EMC1: variants seen among roughly 807,000 people sequenced by gnomAD.
EMC1 encodes KIAA0090.
EMC1 carries 103 observed loss-of-function variants against 128.8 expected under a neutral mutation model. The ratio of observed to expected loss-of-function variants is 0.80; its 90% CI spans 0.68 to 0.94. The LOEUF (loss-of-function observed/expected upper bound fraction) is 0.94, where lower values mean the gene tolerates loss of function less well. Ranked by LOEUF, EMC1 falls within the 40% of genes least tolerant of loss-of-function variation. EMC1 has a pLI of 0.00. For missense variants in EMC1, 1,083 were observed against 1,250.6 expected, an observed-to-expected ratio of 0.87 and a Z score of 2.02; for synonymous variants, 442 against 490.4, an observed-to-expected ratio of 0.90 and a Z score of 1.30.
chr1:19,226,973 G>A (rs762652129), intron 18 of EMC1, among the ~76,000 whole-genome samples: 16 of 151,918 alleles, frequency 1.1e-4, no homozygotes, highest in Admixed American at 4.6e-4. Context: ...GCTGCAGTGA[G>A]CCATGACTGC....
intron 22 of EMC1, 33 bp downstream of exon 22, chr1:19,219,536 G>A: frequency 6.2e-7 from 1 of 1,613,942 alleles, no homozygotes; most frequent in Non-Finnish European, 8.5e-7. Flanking sequence ...GATCCACCAA[G>A]GGTGAAATAG....
rs553395945 is a variant in EMC1 at position 19,241,009 on chromosome 1, C to T, written c.636+7G>A. ...CTTATTCACAGGCTCCTGTCACCCT[C>T]CTGTACCTGCTGAACAATCTCTCCA... On this transcript the variant is annotated splice_region_variant and intron_variant, in intron 6 of 22. Transcript: ENST00000477853. 6.2e-7 allele frequency: 1 copy of T among 1,614,066 alleles called. No individual in the cohort carries two copies. Among genetic ancestry groups the T allele is most frequent in the South Asian group, 1.1e-5 (1 of 91,070 alleles).
chr1:19,240,412 G>T lies in EMC1; in HGVS notation c.671C>A (p.Ser224Tyr). ...CTCATCCACCACACCACAGGCTCCAGACAGGTGCTGCAGCCACGGAGTTGA... is the reference window on the plus strand; with the variant it reads ...CTCATCCACCACACCACAGGCTCCATACAGGTGCTGCAGCCACGGAGTTGA... ...RVSTPWLQHLSGACGVVDEAV... is the reference protein window; with the variant it reads ...RVSTPWLQHLYGACGVVDEAV... The change falls in exon 7 of 23, where the codon TCT becomes TAT. Residue 224 changes from serine to tyrosine, a missense_variant. Physicochemically the swap from Ser to Tyr is moderately radical, Grantham distance 144. Coordinates refer to ENST00000477853, the MANE Select transcript of EMC1 (RefSeq NM_015047.3). The T allele has an allele frequency of 6.2e-7, 1 of 1,614,188 alleles. No individual in the cohort carries two copies. The highest frequency in any genetic ancestry group is 8.5e-7 in the Non-Finnish European group (1 of 1,180,028).
chr1:19,243,610 CT>C lies in EMC1; in HGVS notation c.380+3del. 1 of 1,613,076 alleles carries C rather than the reference CT, an allele frequency of 6.2e-7. No individual in the cohort carries two copies. The highest frequency in any genetic ancestry group is 8.5e-7 in the Non-Finnish European group (1 of 1,179,022). On this transcript the variant is annotated splice_donor_region_variant and intron_variant, in intron 4 of 22. Coordinates refer to ENST00000477853, the MANE Select transcript of EMC1 (RefSeq NM_015047.3). ...GTCAAGATAAAATCCAGTTTCTCCC[CT>C]ACCTGCCACTGTCCAGGGTTATCTC...
At chr1:19,237,319 T>C in intron 11 of EMC1, 81 bp from the exon 12 acceptor site, 2 of 953,410 alleles carry the variant, frequency 2.1e-6, no homozygotes, top group South Asian at 1.3e-5. Context: ...AGTCAAAGCC[T>C]GGACTTAACA....
In EMC1 at chr1:19,218,799, T is replaced by A. The variant is rs1383830853; in HGVS notation, c.*504A>T. On this transcript the variant is annotated 3_prime_UTR_variant, in exon 23 of 23. Transcript: ENST00000477853. ...TCCTCAAGCCTCAGCTAAGGATGGA[T>A]CCTATTTCTTCCCAGTGCAAAACAC... 1 of 160,484 alleles carries A rather than the reference T, an allele frequency of 6.2e-6. No homozygotes were observed. The highest frequency in any genetic ancestry group is 1.8e-4 in the East Asian group (1 of 5,528). The allele number at this position is 160,484 out of a possible 1,614,324, so 9.9% of individuals were successfully genotyped here. A position where few individuals can be genotyped will look rare whatever the true frequency, so the allele number is the denominator to read the frequency against.
Position 19,232,506 on chromosome 1 carries a change from TA to T in EMC1, c.1782+117del, listed in dbSNP as rs924717161. ...CATGAAACTAGAAGAAACAGAGTTC[TA>T]ACCCCTGAATGTTCCTCATTAACTC... is the stretch of plus-strand genomic sequence containing the variant. On this transcript the variant is annotated intron_variant, in intron 15 of 22. Transcript: ENST00000477853. 5 of 1,153,760 alleles carry T rather than the reference TA, an allele frequency of 4.3e-6. No individual in the cohort carries two copies. In the African/African-American group the frequency reaches 4.6e-5, roughly 11 times the overall value. 71.5% of individuals were successfully genotyped at this position (1,153,760 alleles called of 1,614,324 possible).
chr1:19,223,489 G>A lies in EMC1; in HGVS notation c.2283C>T (p.Leu761=). ...TGATACGCCCAGTGACGCCATCAAT[G>A]AGGAAGATGCCAATAAAGGTGCGCT... The part of the protein sequence containing the change: ...HHERTFIGIF[L]IDGVTGRIIH... The change falls in exon 19 of 23, where the codon CTC becomes CTT. Residue 761 remains leucine (L), a synonymous_variant. Transcript: ENST00000477853. The A allele has an allele frequency of 6.2e-6, 10 of 1,614,164 alleles. No homozygotes were observed. Among genetic ancestry groups the A allele is most frequent in the Non-Finnish European group, 8.5e-6 (10 of 1,179,996 alleles).
chr1:19,239,257 C>T lies in EMC1; in HGVS notation c.1000G>A (p.Ala334Thr). 6.2e-7 allele frequency: 1 copy of T among 1,614,136 alleles called. No homozygotes were observed. Among genetic ancestry groups the T allele is most frequent in the Non-Finnish European group, 8.5e-7 (1 of 1,179,974 alleles). ...ACTTCATTCCGACAGGCCATGACTG[C>T]AGCCACCGTCTTCTCCCCAGTGGTG... ...FATTGEKTVA[A>T]VMACRNEVQK... The change falls in exon 9 of 23, where the codon GCA (alanine) becomes ACA (threonine). Residue 334 changes from alanine to threonine, a missense_variant. Ala to Thr is a moderately conservative substitution (Grantham distance 58). Coordinates refer to ENST00000477853, the MANE Select transcript of EMC1 (RefSeq NM_015047.3).
At chr1:19,241,268 C>T in intron 5 of EMC1, 126 bp from the exon 6 acceptor site, 1 of 1,116,074 alleles carries the variant, frequency 9.0e-7, no homozygotes, top group South Asian at 1.5e-5. Flanking sequence ...GTTTGGCTCA[C>T]ACAGTTTGGG....
intron 18 of EMC1, among the ~76,000 whole-genome samples, chr1:19,227,060 A>G (rs1571986052): frequency 6.6e-6 from 1 of 152,276 alleles, no homozygotes; most frequent in Non-Finnish European, 1.5e-5. Flanking sequence ...AGTCAAAAAA[A>G]TAAGAGCTAA....
At position 19,234,949 on chromosome 1, in the gene EMC1, G is replaced by A. The variant is rs551451733; in HGVS notation, c.1432+181C>T. 6.6e-5 allele frequency among the ~76,000 whole-genome samples: 10 copies of A among 152,198 alleles called. No individual in the cohort carries two copies. The South Asian group carries it at 2.1e-3, about 32-fold the overall frequency. On this transcript the variant is annotated intron_variant, in intron 13 of 22. Transcript: ENST00000477853. ...TCACAGTTCATTCTTTCACAGAAAA[G>A]AATGGTTTCATAAACCATATGGCCA... is the stretch of plus-strand genomic sequence containing the variant.
intron 7 of EMC1, 76 bp from the exon 8 acceptor site, chr1:19,240,061 C>A: frequency 1.4e-6 from 2 of 1,444,618 alleles, no homozygotes; most frequent in South Asian, 1.3e-5. Context: ...ACAACCTCTG[C>A]CCTACTTTGC....
intron 17 of EMC1, among the ~76,000 whole-genome samples, chr1:19,230,160 A>G (rs2093508751): frequency 6.6e-6 from 1 of 152,224 alleles, no homozygotes; most frequent in African/African-American, 2.4e-5. Context: ...CAAAGCACAC[A>G]TTCCATCACG....
chr1:19,228,751 G>A (rs755898620), intron 17 of EMC1, among the ~76,000 whole-genome samples: 3 of 151,702 alleles, frequency 2.0e-5, no homozygotes, highest in African/African-American at 4.8e-5. Context: ...GCATGTGAAT[G>A]AGAAAAAAAA....
intron 2 of EMC1, chr1:19,244,541 A>G: frequency 4.0e-6 from 1 of 251,504 alleles, no homozygotes; most frequent in South Asian, 4.8e-5. Flanking sequence ...TCTCCCAAGT[A>G]GCTGGGAATC....
intron 16 of EMC1, 97 bp downstream of exon 16, chr1:19,231,164 G>A (rs572450899): frequency 3.6e-6 from 5 of 1,406,004 alleles, no homozygotes; most frequent in Non-Finnish European, 4.9e-6. Context: ...CACGTGCTGG[G>A]TGCAGAGAGC....
Position 19,218,646 on chromosome 1 carries a change from C to CA in EMC1, c.*656dup, listed in dbSNP as rs67823069. On this transcript the variant is annotated 3_prime_UTR_variant, in exon 23 of 23. Transcript: ENST00000477853. ...GCACTTGGCTTCTGATAAATTGAAA[C>CA]AAAGATTTGGTGGCCCAGCCTAATA... The CA allele has an allele frequency of 6.6e-6, 1 of 152,164 alleles. No individual in the cohort carries two copies. Among genetic ancestry groups the CA allele is most frequent in the Non-Finnish European group, 1.5e-5 (1 of 68,050 alleles). The allele number at this position is 152,164 out of a possible 1,614,324, so 9.4% of individuals were successfully genotyped here.
At chr1:19,232,573 T>G in intron 15 of EMC1, 51 bp downstream of exon 15, 1 of 1,608,708 alleles carries the variant, frequency 6.2e-7, no homozygotes, top group South Asian at 1.1e-5. Flanking sequence ...AGTTACAAAA[T>G]AGCAAAAAAG....
Sources: gnomAD v4.1 joint callset for allele counts (sites outside exome capture counted in the v4.1 genomes callset) on GRCh38, gnomAD v4.1.1 for gene constraint, MANE v1.5 for transcripts, NCBI Gene and HGNC (gene_info 2026-07-23, HGNC 2026-07-21) for gene names.